The following ADGRL3 variants were observed in gnomAD, a reference collection of about 807,000 sequenced individuals.
The protein encoded by ADGRL3 is calcium-independent alpha-latrotoxin receptor 3.
ADGRL3 carries 62 observed loss-of-function variants against 153.5 expected under a neutral mutation model. The ratio of observed to expected loss-of-function variants is 0.40; its 90% CI spans 0.33 to 0.50. The LOEUF (loss-of-function observed/expected upper bound fraction) is 0.50. Among genes scored for constraint, ADGRL3 ranks in the 20% least tolerant of loss-of-function variants. The pLI is 0.47. For synonymous variants in ADGRL3, 710 were observed against 672.5 expected (o/e 1.06, Z -0.86); for missense variants, 1,641 against 1,859.4 (o/e 0.88, Z 2.16).
intron 2 of ADGRL3, among the ~76,000 whole-genome samples, chr4:61,478,422 T>C (rs1486777601): frequency 1.3e-5 from 2 of 152,186 alleles, no homozygotes; most frequent in East Asian, 3.9e-4. Flanking sequence ...AGAGGTCATG[T>C]CTGAGAGTAG....
rs527734496 is a variant in ADGRL3, at chr4:61,218,722, G to C, written c.-240+16957G>C. 3.9e-5 allele frequency among the ~76,000 whole-genome samples: 6 copies of C among 152,278 alleles called. No individual in the cohort carries two copies. The South Asian group carries it at 1.0e-3, about 26-fold the overall frequency. On this transcript the variant is annotated intron_variant, in intron 1 of 26. Transcript: ENST00000683033. Reference sequence around the variant, plus strand: ...TGAACTGGTCAAGCAGCACCTTCCTGAAGAAGGGAACCTCCTGTTTCAAGG... The same window carrying C: ...TGAACTGGTCAAGCAGCACCTTCCTCAAGAAGGGAACCTCCTGTTTCAAGG...
chr4:61,270,368 G>C (rs1578059068), intron 1 of ADGRL3, among the ~76,000 whole-genome samples: 1 of 151,608 alleles, frequency 6.6e-6, no homozygotes. Flanking sequence ...TTCCAAAGAA[G>C]GTGAGAATTT....
intron 18 of ADGRL3, among the ~76,000 whole-genome samples, chr4:61,980,878 A>G (rs1157664043): frequency 1.3e-5 from 2 of 152,186 alleles, no homozygotes; most frequent in Non-Finnish European, 2.9e-5. Context: ...ACTGAAGGAC[A>G]TCTTGGTTGC....
At chr4:61,572,382 A>G (rs1322620523) in intron 4 of ADGRL3, among the ~76,000 whole-genome samples, 1 of 152,124 alleles carries the variant, frequency 6.6e-6, no homozygotes, top group Admixed American at 6.6e-5. Context: ...GAAAACCACA[A>G]TTCACTCAAC....
chr4:61,696,877 A>G (rs1479376574), intron 6 of ADGRL3, among the ~76,000 whole-genome samples: 1 of 151,830 alleles, frequency 6.6e-6, no homozygotes, highest in East Asian at 1.9e-4. Context: ...AGGTTTCACC[A>G]TGTTGGTGAG....
chr4:61,460,897 C>G (rs1257898445), intron 2 of ADGRL3, among the ~76,000 whole-genome samples: 3 of 152,050 alleles, frequency 2.0e-5, no homozygotes, highest in African/African-American at 4.8e-5. Context: ...TGGTGAAACC[C>G]TGTCTCTACT....
chr4:62,010,680 A>G (rs2099181608), intron 21 of ADGRL3, among the ~76,000 whole-genome samples: 1 of 120,734 alleles, frequency 8.3e-6, no homozygotes. Flanking sequence ...CTACGTAATG[A>G]AAATTTAATG....
chr4:61,493,090 T>C (rs1309001306), intron 2 of ADGRL3, among the ~76,000 whole-genome samples: 1 of 152,164 alleles, frequency 6.6e-6, no homozygotes, highest in African/African-American at 2.4e-5. Context: ...AAAAAACTGT[T>C]ATAATTCAGA....
chr4:61,313,486 C>G (rs141510340), intron 1 of ADGRL3, among the ~76,000 whole-genome samples: 1 of 152,108 alleles, frequency 6.6e-6, no homozygotes, highest in Middle Eastern at 3.2e-3. Flanking sequence ...TGTGCCCATG[C>G]AGGGGAGAAG....
chr4:61,422,169 G>A (rs113755994), intron 2 of ADGRL3, among the ~76,000 whole-genome samples: 183 of 152,248 alleles, frequency 1.2e-3, no homozygotes, highest in African/African-American at 4.1e-3. Flanking sequence ...AGATTTCAGT[G>A]TTTATGTGTT....
chr4:61,969,469 C>A (rs1395428785), intron 17 of ADGRL3, among the ~76,000 whole-genome samples: 1 of 152,010 alleles, frequency 6.6e-6, no homozygotes, highest in African/African-American at 2.4e-5. Context: ...TAATCTAGAT[C>A]CATGGATCGT....
At chr4:61,475,717 A>G (rs989414406) in intron 2 of ADGRL3, among the ~76,000 whole-genome samples, 1 of 152,174 alleles carries the variant, frequency 6.6e-6, no homozygotes, top group African/African-American at 2.4e-5. Flanking sequence ...TGTTTCAAGG[A>G]TTTAAATTTC....
intron 4 of ADGRL3, among the ~76,000 whole-genome samples, chr4:61,557,727 T>A (rs1325216252): frequency 6.6e-6 from 1 of 152,090 alleles, no homozygotes; most frequent in Non-Finnish European, 1.5e-5. Flanking sequence ...GGGTGTGCAC[T>A]CTTTAGTGAG....
intron 1 of ADGRL3, among the ~76,000 whole-genome samples, chr4:61,315,780 T>C (rs2095188408): frequency 6.6e-6 from 1 of 152,174 alleles, no homozygotes; most frequent in Non-Finnish European, 1.5e-5. Flanking sequence ...GTTTTGGTCT[T>C]AGATGATAAA....
chr4:61,537,262 G>T (rs924167851), intron 4 of ADGRL3, among the ~76,000 whole-genome samples: 2 of 151,228 alleles, frequency 1.3e-5, no homozygotes, highest in Admixed American at 1.3e-4. Context: ...CTGTTAGTTT[G>T]TTGGAATTTC....
In ADGRL3 at chr4:62,006,029, TA is replaced by T. The variant is rs1284402549; in HGVS notation, c.3395+7765del. ...ATATATATATATATATATATATATATATATTTTTTTTTTTTTTTGAGAAAGG... is the reference window on the plus strand; with the variant it reads ...ATATATATATATATATATATATATATTATTTTTTTTTTTTTTTGAGAAAGG... On this transcript the variant is annotated intron_variant, in intron 21 of 26. Coordinates refer to ENST00000683033, the MANE Select transcript of ADGRL3 (RefSeq NM_001387552.1). Among the ~76,000 whole-genome samples, 797 of 85,930 alleles carry T rather than the reference TA, an allele frequency of 9.3e-3. 26 individuals are homozygous for T. Among genetic ancestry groups the T allele is most frequent in the African/African-American group, 0.019 (431 of 23,238 alleles). 56.4% of individuals were successfully genotyped at this position (85,930 alleles called of 152,430 possible).
chr4:61,631,148 G>T (rs1184202359), intron 5 of ADGRL3, among the ~76,000 whole-genome samples: 2 of 151,850 alleles, frequency 1.3e-5, no homozygotes, highest in Non-Finnish European at 2.9e-5. Flanking sequence ...TTGTTCCTTT[G>T]TTATGTCTAA....
chr4:61,634,938 T>C (rs1349412979), intron 5 of ADGRL3, among the ~76,000 whole-genome samples: 1 of 152,166 alleles, frequency 6.6e-6, no homozygotes, highest in Non-Finnish European at 1.5e-5. Context: ...AGGGGAACCT[T>C]TTCCTATTCC....
rs537461030 is a variant in ADGRL3 at position 61,909,599 on chromosome 4, C to G, written c.1927C>G (p.Leu643Val). ...AACAGCTGCCAACATTGCTAGAGAG[C>G]TGGCTGAACAGACAAGAAATCACTT... ...GETAANIARE[L>V]AEQTRNHLNA... Residue 643 changes from leucine to valine, a missense_variant, in exon 12 of 27, where the codon CTG becomes GTG. By Grantham distance (32) the Leu-to-Val change is conservative. Around this residue, in one of 5 missense-constraint regions of ADGRL3, gnomAD observed 734 missense variants for 797.0 expected, o/e 0.92. Coordinates refer to ENST00000683033, the MANE Select transcript of ADGRL3 (RefSeq NM_001387552.1). 1 of 1,613,248 alleles carries G rather than the reference C, an allele frequency of 6.2e-7. No individual in the cohort carries two copies. Among genetic ancestry groups the G allele is most frequent in the African/African-American group, 1.3e-5 (1 of 74,974 alleles).
Sources: allele counts gnomAD v4.1 joint callset (sites outside exome capture counted in the v4.1 genomes callset), GRCh38; gene constraint gnomAD v4.1.1; regional missense constraint gnomAD v4.1.1; transcripts MANE v1.5; gene names NCBI Gene and HGNC (gene_info 2026-07-23, HGNC 2026-07-21).